The following PARVB variants were observed in gnomAD, a reference collection of about 807,000 sequenced individuals.
PARVB encodes beta-parvin.
A neutral mutation model predicts 47.0 loss-of-function variants in PARVB; 46 were observed. That is an observed-to-expected ratio of 0.98 (90% CI 0.77 to 1.25). The LOEUF is 1.25. PARVB is among the 50% of genes most tolerant of loss of function. The pLI, the probability that PARVB is intolerant of heterozygous loss-of-function variation, is 0.00. For missense variants in PARVB, 473 were observed against 471.6 expected (o/e 1.00, Z -0.03); for synonymous variants, 196 against 196.3 (o/e 1.00, Z 0.01).
rs554921290 is a variant in PARVB, at chr22:44,164,027, C to T, written c.1018+97C>T. On this transcript the variant is annotated intron_variant, in intron 12 of 12. Transcript: ENST00000338758. ...GCTGGAAGGCTGGCATGTTGTTCCCCAGATGGGCCCCACGTCTCTGGCTCT... is the reference window on the plus strand; with the variant it reads ...GCTGGAAGGCTGGCATGTTGTTCCCTAGATGGGCCCCACGTCTCTGGCTCT... 2.8e-4 allele frequency: 237 copies of T among 859,060 alleles called. No homozygotes were observed. The African/African-American group carries it at 3.7e-3, about 13-fold the overall frequency. The allele number at this position is 859,060 out of a possible 1,614,324, so 53.2% of individuals were successfully genotyped here. A position where few individuals can be genotyped will look rare whatever the true frequency, so the allele number is the denominator to read the frequency against.
intron 7 of PARVB, chr22:44,139,611 C>T (rs139409606): frequency 0.019 from 3,010 of 160,070 alleles, 87 homozygotes; most frequent in African/African-American, 0.064. Flanking sequence ...CCACCATGCC[C>T]GGCTAATTTT....
At chr22:44,092,187 T>A (rs964382500) in intron 1 of PARVB, among the ~76,000 whole-genome samples, 3 of 152,160 alleles carry the variant, frequency 2.0e-5, no homozygotes, top group African/African-American at 7.2e-5. Flanking sequence ...CTTGGCTCAC[T>A]GCAACCTCCG....
At chr22:44,151,423 T>C in intron 9 of PARVB, 60 bp from the exon 10 acceptor site, 1 of 1,299,814 alleles carries the variant, frequency 7.7e-7, no homozygotes, top group South Asian at 1.2e-5. Context: ...AGCCTGCCCC[T>C]CCAGATGGGA....
intron 1 of PARVB, among the ~76,000 whole-genome samples, chr22:44,076,794 C>T (rs2051783913): frequency 6.6e-6 from 1 of 152,066 alleles, no homozygotes. Flanking sequence ...AGGAGGTGGC[C>T]TGCCCCAACT....
intron 4 of PARVB, among the ~76,000 whole-genome samples, chr22:44,122,582 GA>G (rs2053091670): frequency 7.5e-6 from 1 of 132,768 alleles, no homozygotes; most frequent in Non-Finnish European, 1.5e-5. Context: ...GAGAGAGAGA[GA>G]GAGAGAGAGA....
chr22:44,168,753 G>C lies in PARVB; in HGVS notation c.*75G>C. 1.9e-6 allele frequency: 2 copies of C among 1,055,848 alleles called. No homozygotes were observed. Among genetic ancestry groups the C allele is most frequent in the Non-Finnish European group, 3.0e-6 (2 of 676,052 alleles). 65.4% of individuals were successfully genotyped at this position (1,055,848 alleles called of 1,614,324 possible). ...TCCGTCTGTGCCCTGTGCCTTTCCA[G>C]GGAGCCAGGCGCCATGGGCTTCTGG... On this transcript the variant is annotated 3_prime_UTR_variant, in exon 13 of 13. Transcript: ENST00000338758.
At chr22:44,131,167 G>A (rs1258894855) in intron 4 of PARVB, among the ~76,000 whole-genome samples, 1 of 146,592 alleles carries the variant, frequency 6.8e-6, no homozygotes, top group South Asian at 2.2e-4. Flanking sequence ...CTGAGGCAGG[G>A]TCTCACTCAG....
intron 1 of PARVB, among the ~76,000 whole-genome samples, chr22:44,057,240 G>A (rs774230934): frequency 9.9e-5 from 15 of 152,134 alleles, no homozygotes; most frequent in South Asian, 2.1e-4. Flanking sequence ...TTTTAAAAAT[G>A]TGATGTACCA....
In PARVB at chr22:44,119,460, C is replaced by T. The variant is rs967091062; in HGVS notation, c.376+320C>T. On this transcript the variant is annotated intron_variant, in intron 4 of 12. Transcript: ENST00000338758. ...CACCCTCTTTTGACTTGAACTCCTT[C>T]GGTTCAGGATGGGAGGCAGCAGGAG... is the stretch of plus-strand genomic sequence containing the variant. 7.9e-5 allele frequency among the ~76,000 whole-genome samples: 12 copies of T among 152,232 alleles called. No homozygotes were observed. In the South Asian group the frequency reaches 1.7e-3, roughly 21 times the overall value.
At chr22:44,131,039 C>CCCTCCCTA (rs1888624728) in intron 4 of PARVB, among the ~76,000 whole-genome samples, 3 of 94,044 alleles carry the variant, frequency 3.2e-5, no homozygotes, top group Non-Finnish European at 6.5e-5. Context: ...TCCCCTTCCT[C>CCCTCCCTA]CCTCCCTCCC....
rs990966133 is a variant in PARVB, at chr22:44,169,119, G to C, written c.*441G>C. On this transcript the variant is annotated 3_prime_UTR_variant, in exon 13 of 13. Coordinates refer to ENST00000338758, the MANE Select transcript of PARVB (RefSeq NM_013327.5). ...CAACATCAGCTCAGCAGGAACGCCG[G>C]CTCCCCGAGGACCCAGGCTTGACGA... is the stretch of plus-strand genomic sequence containing the variant. The C allele has an allele frequency of 2.0e-5, 3 of 147,150 alleles. No homozygotes were observed. Among genetic ancestry groups the C allele is most frequent in the African/African-American group, 9.8e-5 (3 of 30,702 alleles). The allele number at this position is 147,150 out of a possible 1,614,324, so 9.1% of individuals were successfully genotyped here. A position where few individuals can be genotyped will look rare whatever the true frequency, so the allele number is the denominator to read the frequency against.
At chr22:44,063,820 A>G (rs1016860155) in intron 1 of PARVB, among the ~76,000 whole-genome samples, 3 of 152,120 alleles carry the variant, frequency 2.0e-5, no homozygotes, top group Non-Finnish European at 2.9e-5. Context: ...CCTCCAGGGC[A>G]TGTGAGAAGC....
Position 44,049,848 on chromosome 22 carries a change from G to A in PARVB, c.112+25397G>A, listed in dbSNP as rs577544310. On this transcript the variant is annotated intron_variant, in intron 1 of 12. Transcript: ENST00000338758. This position sits in a 1 kb window ranked among gnomAD's most constrained non-coding sequence, Gnocchi z 4.0. ...GTGAGTAGGTTTTATTGCCAAAGCC[G>A]TCCCGGCCTTGGCCTCAGCCTCTGT... is the stretch of plus-strand genomic sequence containing the variant. 6.8e-4 allele frequency among the ~76,000 whole-genome samples: 103 copies of A among 152,404 alleles called. No individual in the cohort carries two copies. Among genetic ancestry groups the A allele is most frequent in the Admixed American group, 6.3e-3 (97 of 15,308 alleles).
At chr22:44,036,504 C>T (rs947649038) in intron 1 of PARVB, among the ~76,000 whole-genome samples, 6 of 152,036 alleles carry the variant, frequency 3.9e-5, no homozygotes, top group South Asian at 2.1e-4. Context: ...TTCTGGGCTA[C>T]GTGGTTTGCA....
chr22:44,093,925 C>T lies in PARVB; in HGVS notation c.113-3C>T, dbSNP rs1308732064. On this transcript the variant is annotated splice_region_variant and splice_polypyrimidine_tract_variant and intron_variant, in intron 1 of 12. Transcript: ENST00000338758. Reference sequence around the variant, plus strand: ...CTGGTTTTTCTTTCCTTTTGCTCAACAGTGAGTGACCTGCAGGAAGAAGGC... The same window carrying T: ...CTGGTTTTTCTTTCCTTTTGCTCAATAGTGAGTGACCTGCAGGAAGAAGGC... The T allele has an allele frequency of 6.2e-7, 1 of 1,609,906 alleles. No homozygotes were observed. Among genetic ancestry groups the T allele is most frequent in the Admixed American group, 1.7e-5 (1 of 59,856 alleles).
intron 1 of PARVB, among the ~76,000 whole-genome samples, chr22:44,029,233 C>T (rs1046559623): frequency 2.0e-5 from 3 of 152,284 alleles, no homozygotes; most frequent in Non-Finnish European, 2.9e-5. Flanking sequence ...GATCCACCTG[C>T]CTTGGCCTCC....
At chr22:44,011,199 C>T (rs1021957824) in intron 2 of PARVB, among the ~76,000 whole-genome samples, 8 of 152,076 alleles carry the variant, frequency 5.3e-5, no homozygotes, top group African/African-American at 1.4e-4. Flanking sequence ...TTCTCGAACT[C>T]CAGGGCTCAA....
At chr22:44,006,632 AAAAAAG>A (rs1320302249) in intron 2 of PARVB, among the ~76,000 whole-genome samples, 1 of 152,206 alleles carries the variant, frequency 6.6e-6, no homozygotes, top group Non-Finnish European at 1.5e-5. Flanking sequence ...TCGGAAAAGA[AAAAAAG>A]AAAAAGAAAT....
chr22:44,095,550 A>G (rs1435188246), intron 2 of PARVB, among the ~76,000 whole-genome samples: 1 of 152,056 alleles, frequency 6.6e-6, no homozygotes, highest in Non-Finnish European at 1.5e-5. Context: ...CACAATTAAT[A>G]TGCTTCTTCC....
Sources: gnomAD v4.1 joint callset for allele counts (sites outside exome capture counted in the v4.1 genomes callset) on GRCh38, gnomAD v4.1.1 for gene constraint, Gnocchi (gnomAD v3.1) non-coding constraint, MANE v1.5 for transcripts, NCBI Gene and HGNC (gene_info 2026-07-23, HGNC 2026-07-21) for gene names.